ZNF532: variants seen among roughly 807,000 people sequenced by gnomAD.
The protein encoded by ZNF532 is zinc finger protein 532.
In ZNF532, 22 loss-of-function variants were observed where a neutral mutation model predicts 89.3. That is an observed-to-expected ratio of 0.25 (90% CI 0.18 to 0.35). The LOEUF is 0.35. Ranked by LOEUF, ZNF532 falls within the 10% of genes least tolerant of loss-of-function variation. The pLI is 1.00. For synonymous variants in ZNF532, 606 were observed against 649.6 expected (o/e 0.93, Z 1.02); for missense variants, 1,132 against 1,643.4 (o/e 0.69, Z 5.38).
At chr18:58,963,617 G>A (rs2065589236) in intron 7 of ZNF532, among the ~76,000 whole-genome samples, 6 of 144,614 alleles carry the variant, frequency 4.1e-5, no homozygotes, top group Admixed American at 4.1e-4. Flanking sequence ...GTGTGTGTGT[G>A]TGTGTGTGTG....
At chr18:58,969,370 A>G (rs1568447538) in intron 7 of ZNF532, among the ~76,000 whole-genome samples, 1 of 152,200 alleles carries the variant, frequency 6.6e-6, no homozygotes, top group East Asian at 1.9e-4. Flanking sequence ...CTCCACTCTC[A>G]TACCCTTTCT....
chr18:58,938,109 G>A (rs2062626021), intron 4 of ZNF532, among the ~76,000 whole-genome samples: 4 of 152,234 alleles, frequency 2.6e-5, no homozygotes, highest in Admixed American at 2.0e-4. Context: ...TGATTCAGAA[G>A]GGAGGTTCTA....
chr18:58,904,563 T>C (rs2059806273), intron 2 of ZNF532, among the ~76,000 whole-genome samples: 1 of 152,074 alleles, frequency 6.6e-6, no homozygotes, highest in Non-Finnish European at 1.5e-5. Flanking sequence ...ACCTGAAGGA[T>C]GGAGAGAGAG....
intron 2 of ZNF532, among the ~76,000 whole-genome samples, chr18:58,894,381 CGCTTGAACCTGAGGGGTGGAGGTT>C (rs1423283252): frequency 6.6e-6 from 1 of 150,608 alleles, no homozygotes; most frequent in Admixed American, 6.7e-5. Context: ...GCAGGAGAAT[CGCTTGAACCTGAGGGGTGGAGGTT>C]GCTGTGAGCT....
intron 2 of ZNF532, chr18:58,896,474 C>T (rs1422351114): frequency 6.6e-6 from 1 of 152,140 alleles, no homozygotes; most frequent in Non-Finnish European, 1.5e-5. Flanking sequence ...TACTGTGACC[C>T]AGTCAAGCCA....
intron 2 of ZNF532, among the ~76,000 whole-genome samples, chr18:58,875,512 G>A (rs1259982949): frequency 6.6e-6 from 1 of 152,144 alleles, no homozygotes; most frequent in Non-Finnish European, 1.5e-5. Context: ...CAAAGATAGT[G>A]CTAGTTTGGC....
chr18:58,973,196 G>A (rs750623606), intron 7 of ZNF532, among the ~76,000 whole-genome samples: 1 of 152,190 alleles, frequency 6.6e-6, no homozygotes, highest in African/African-American at 2.4e-5. Context: ...GCTGCTTACC[G>A]AGTTCAAGTG....
Position 58,916,563 on chromosome 18 carries a change from G to A in ZNF532, c.-17-1708G>A, listed in dbSNP as rs557251148. On this transcript the variant is annotated intron_variant, in intron 2 of 9. Coordinates refer to ENST00000591808, the MANE Select transcript of ZNF532 (RefSeq NM_001375912.1). ...TTTTCTCTATGCTGAGTAAGCCATC[G>A]AAAGAAAAGCACATGTGACTTCTTC... Among the ~76,000 whole-genome samples, 12 of 152,258 alleles carry A rather than the reference G, an allele frequency of 7.9e-5. No individual in the cohort carries two copies. In the South Asian group the frequency reaches 2.5e-3, roughly 32 times the overall value.
chr18:58,896,428 C>T (rs1218269137), intron 2 of ZNF532: 1 of 152,038 alleles, frequency 6.6e-6, no homozygotes, highest in Non-Finnish European at 1.5e-5. Flanking sequence ...ATTCTAGGCA[C>T]TTCAAGTAAG....
At chr18:58,926,507 T>A (rs982153920) in intron 3 of ZNF532, among the ~76,000 whole-genome samples, 2 of 152,090 alleles carry the variant, frequency 1.3e-5, no homozygotes, top group Non-Finnish European at 1.5e-5. Flanking sequence ...CCGGCTAATT[T>A]TATATTTTTA....
chr18:58,963,892 A>ATG (rs1465061004), intron 7 of ZNF532, among the ~76,000 whole-genome samples: 1 of 152,026 alleles, frequency 6.6e-6, no homozygotes, highest in African/African-American at 2.4e-5. Context: ...TGTGTATGAA[A>ATG]TGTGTGGTAG....
intron 2 of ZNF532, among the ~76,000 whole-genome samples, chr18:58,904,830 A>G (rs1043320803): frequency 1.4e-5 from 2 of 146,520 alleles, no homozygotes; most frequent in African/African-American, 5.0e-5. Context: ...TTGAAATTCT[A>G]TTTCTTTCTT....
chr18:58,977,733 C>T (rs757699806), intron 7 of ZNF532: 1 of 152,120 alleles, frequency 6.6e-6, no homozygotes, highest in Non-Finnish European at 1.5e-5. Context: ...GCTTTTAGCC[C>T]CAGCTACTCG....
At chr18:58,966,344 T>C (rs66691182) in intron 7 of ZNF532, among the ~76,000 whole-genome samples, 33,146 of 152,128 alleles carry the variant, frequency 0.22, 4,802 homozygotes, top group African/African-American at 0.41. Flanking sequence ...TCATTTAAAA[T>C]GTTTATCTAA....
chr18:58,867,549 G>T (rs1001365259), intron 2 of ZNF532, among the ~76,000 whole-genome samples: 5 of 152,170 alleles, frequency 3.3e-5, no homozygotes, highest in Non-Finnish European at 7.3e-5. Context: ...TGAGTGTGCA[G>T]GATGAGCTAG....
At chr18:58,947,715 A>T (rs2063784117) in intron 5 of ZNF532, among the ~76,000 whole-genome samples, 1 of 135,968 alleles carries the variant, frequency 7.4e-6, no homozygotes, top group Non-Finnish European at 1.7e-5. Flanking sequence ...TCTGATCTTA[A>T]AAAAAAAAAT....
chr18:58,970,473 G>A (rs1368228080), intron 7 of ZNF532, among the ~76,000 whole-genome samples: 1 of 152,208 alleles, frequency 6.6e-6, no homozygotes, highest in Non-Finnish European at 1.5e-5. Context: ...GAAGGGGAAT[G>A]AAGTTGAGCC....
In ZNF532 at chr18:58,945,166, G is replaced by A. The variant is rs1414536170; in HGVS notation, c.2706-2901G>A. The stretch of plus-strand genomic sequence containing the variant: ...CTTCCGTCTGAAGCAGTTGCTCAGT[G>A]TCCCCTGTTCTCATGTCTTTGGCCG... On this transcript the variant is annotated intron_variant, in intron 5 of 9. Transcript: ENST00000591808. Among the ~76,000 whole-genome samples the A allele has an allele frequency of 2.0e-5, 3 of 152,176 alleles. No individual in the cohort carries two copies. In the East Asian group the frequency reaches 5.8e-4, roughly 29 times the overall value.
At chr18:58,979,351 A>AAAAAT (rs1555768105) in intron 8 of ZNF532, 184 bp downstream of exon 8, 4 of 403,252 alleles carry the variant, frequency 9.9e-6, no homozygotes, top group Non-Finnish European at 1.3e-5. Context: ...GAAAATAAAA[A>AAAAAT]AAAAAGGAGC....
Sources: gnomAD v4.1 joint callset for allele counts (sites outside exome capture counted in the v4.1 genomes callset) on GRCh38, gnomAD v4.1.1 for gene constraint, MANE v1.5 for transcripts, NCBI Gene and HGNC (gene_info 2026-07-23, HGNC 2026-07-21) for gene names.